The following GJA3 variants were observed in gnomAD, a reference collection of about 807,000 sequenced individuals.
GJA3 encodes the protein gap junction alpha-3 protein.
For synonymous variants in GJA3, 297 were observed against 292.6 expected (o/e 1.02, Z -0.15); for missense variants, 571 against 620.3 (o/e 0.92, Z 0.84).
chr13:20,153,895 G>A (rs1189183684), intron 1 of GJA3, among the ~76,000 whole-genome samples: 2 of 151,878 alleles, frequency 1.3e-5, no homozygotes, highest in African/African-American at 4.8e-5. Flanking sequence ...GCATGAAAGA[G>A]GAAAATCCTG....
At chr13:20,152,823 G>A (rs1470988999) in intron 1 of GJA3, among the ~76,000 whole-genome samples, 1 of 152,208 alleles carries the variant, frequency 6.6e-6, no homozygotes, top group Non-Finnish European at 1.5e-5. Flanking sequence ...GTCACAAGTA[G>A]GCTTACCCAG....
intron 1 of GJA3, among the ~76,000 whole-genome samples, chr13:20,158,736 A>C (rs1958919491): frequency 6.6e-6 from 1 of 151,876 alleles, no homozygotes; most frequent in Non-Finnish European, 1.5e-5. Flanking sequence ...ACATGGTGAA[A>C]CTGTGTCTCT....
Position 20,140,040 on chromosome 13 carries a change from G to C in GJA3, c.*1941C>G, listed in dbSNP as rs960605395. The stretch of plus-strand genomic sequence containing the variant: ...AGCCCTTATCACTCACAAGAACTAA[G>C]TCCTGCTGCCCTAGGCCTATGGCAT... On this transcript the variant is annotated 3_prime_UTR_variant, in exon 2 of 2. Transcript: ENST00000241125. 7.9e-5 allele frequency: 12 copies of C among 152,080 alleles called. No homozygotes were observed. Among genetic ancestry groups the C allele is most frequent in the Non-Finnish European group, 1.8e-4 (12 of 68,050 alleles). 9.4% of individuals were successfully genotyped at this position (152,080 alleles called of 1,614,324 possible).
chr13:20,144,503 C>T (rs1176832195), intron 1 of GJA3, among the ~76,000 whole-genome samples: 10 of 152,186 alleles, frequency 6.6e-5, no homozygotes, highest in African/African-American at 1.9e-4. Flanking sequence ...ACCAGCCCTA[C>T]CTGCCCCAGA....
At chr13:20,156,205 T>C (rs1378054220) in intron 1 of GJA3, among the ~76,000 whole-genome samples, 1 of 152,226 alleles carries the variant, frequency 6.6e-6, no homozygotes, top group Non-Finnish European at 1.5e-5. Flanking sequence ...AAATCTTTAT[T>C]TGGCTAAAGT....
Position 20,142,537 on chromosome 13 carries a change from T to C in GJA3, c.752A>G (p.Asp251Gly). 1.3e-6 allele frequency: 2 copies of C among 1,559,374 alleles called. No homozygotes were observed. Among genetic ancestry groups the C allele is most frequent in the South Asian group, 1.2e-5 (1 of 85,634 alleles). The change falls in exon 2 of 2, where the codon GAT (aspartate) becomes GGT (glycine). Residue 251 changes from aspartate to glycine, a missense_variant. Transcript: ENST00000241125. ...DASEAPLGTADPPPLPPSSRP... is the reference protein window; with the variant it reads ...DASEAPLGTAGPPPLPPSSRP... ...GGAGCTGGGGGGCAGGGGCGGGGGA[T>C]CGGCTGTCCCCAGCGGGGCCTCGGA...
intron 1 of GJA3, among the ~76,000 whole-genome samples, chr13:20,158,989 A>G (rs190372854): frequency 6.6e-6 from 1 of 151,380 alleles, no homozygotes; most frequent in East Asian, 1.9e-4. Context: ...AGTTATCATG[A>G]GGAATTTTCC....
At chr13:20,159,671 G>T (rs899494365) in intron 1 of GJA3, among the ~76,000 whole-genome samples, 1 of 152,008 alleles carries the variant, frequency 6.6e-6, no homozygotes, top group Non-Finnish European at 1.5e-5. Flanking sequence ...GCCAGTTAAC[G>T]GTTCCTGGTT....
rs375041482 is a variant in GJA3, at chr13:20,143,170, G to A, written c.119C>T (p.Ala40Val). ...FIFRILVLGA[A>V]AEDVWGDEQS... ...CTCATCGCCCCACACGTCCTCCGCC[G>A]CGGCCCCCAGCACCAAGATGCGGAA... Residue 40 changes from alanine to valine, a missense_variant, in exon 2 of 2, where the codon GCG becomes GTG. Transcript: ENST00000241125. 2 of 1,604,956 alleles carry A rather than the reference G, an allele frequency of 1.2e-6. No individual in the cohort carries two copies. The highest frequency in any genetic ancestry group is 1.7e-6 in the Non-Finnish European group (2 of 1,174,322).
chr13:20,144,469 G>A lies in GJA3; in HGVS notation c.-17-1164C>T, dbSNP rs568703139. Among the ~76,000 whole-genome samples, 3 of 152,322 alleles carry A rather than the reference G, an allele frequency of 2.0e-5. No individual in the cohort carries two copies. The South Asian group carries it at 6.2e-4, about 32-fold the overall frequency. The stretch of plus-strand genomic sequence containing the variant: ...TAGCATGGATCCTCTGGGTCAGAGT[G>A]CCCATGGGTGTTGGGCAGGGCTCAC... On this transcript the variant is annotated intron_variant, in intron 1 of 1. Transcript: ENST00000241125.
rs1958815466 is a variant in GJA3 at position 20,142,456 on chromosome 13, G to A, written c.833C>T (p.Pro278Leu). 2.0e-6 allele frequency: 3 copies of A among 1,527,440 alleles called. No homozygotes were observed. The highest frequency in any genetic ancestry group is 2.6e-6 in the Non-Finnish European group (3 of 1,136,708). The allele number at this position is 1,527,440 out of a possible 1,614,324, so 94.6% of individuals were successfully genotyped here. Reference protein sequence around the residue: ...FPPYYAHTAAPLGQARAVGYP... With the variant: ...FPPYYAHTAALLGQARAVGYP... The stretch of plus-strand genomic sequence containing the variant: ...GCCCACGGCGCGGGCCTGTCCCAGG[G>A]GCGCAGCGGTGTGCGCATAGTAGGG... Residue 278 changes from proline to leucine, a missense_variant, in exon 2 of 2, where the codon CCC becomes CTC. Physicochemically the swap from Pro to Leu is moderately conservative, Grantham distance 98. Transcript: ENST00000241125.
intron 1 of GJA3, among the ~76,000 whole-genome samples, chr13:20,158,912 C>CAAAA (rs1159654355): frequency 4.5e-3 from 244 of 54,740 alleles, no homozygotes; most frequent in African/African-American, 6.0e-3. Flanking sequence ...GCAAAACTCT[C>CAAAA]AAAAAAAAAA....
At chr13:20,155,607 T>TA (rs67934270) in intron 1 of GJA3, among the ~76,000 whole-genome samples, 37,724 of 151,846 alleles carry the variant, frequency 0.25, 6,484 homozygotes, top group African/African-American at 0.49. Context: ...TTTGGGGATT[T>TA]AAAATATTAG....
At chr13:20,151,275 G>C (rs145907772) in intron 1 of GJA3, among the ~76,000 whole-genome samples, 4 of 152,252 alleles carry the variant, frequency 2.6e-5, no homozygotes, top group Non-Finnish European at 5.9e-5. Flanking sequence ...CAGGAGATAA[G>C]GAAGCTTGAT....
upstream of GJA3, among the ~76,000 whole-genome samples, chr13:20,161,411 G>A (rs896367480): frequency 6.6e-6 from 1 of 151,820 alleles, no homozygotes; most frequent in Non-Finnish European, 1.5e-5. Context: ...GCACGCAGAT[G>A]CGCCAGCCCG....
intron 1 of GJA3, among the ~76,000 whole-genome samples, chr13:20,148,233 A>G (rs1593336610): frequency 7.1e-6 from 1 of 141,782 alleles, no homozygotes; most frequent in Non-Finnish European, 1.5e-5. Context: ...CTCTGGGGGC[A>G]TTTTACCAAT....
intron 1 of GJA3, among the ~76,000 whole-genome samples, chr13:20,151,850 T>TG (rs1223196370): frequency 6.6e-6 from 1 of 151,936 alleles, no homozygotes; most frequent in Non-Finnish European, 1.5e-5. Context: ...GGACAGTCTA[T>TG]GGGGGCAGGG....
chr13:20,160,517 C>CG (rs1304534558), intron 1 of GJA3, among the ~76,000 whole-genome samples: 1 of 152,154 alleles, frequency 6.6e-6, no homozygotes, highest in Non-Finnish European at 1.5e-5. Flanking sequence ...CCTGACGGTC[C>CG]GGGACAGCCC....
At chr13:20,158,931 A>AAAAAAAAAAAAAAAAAAAAAAAG (rs1555340275) in intron 1 of GJA3, among the ~76,000 whole-genome samples, 1 of 148,836 alleles carries the variant, frequency 6.7e-6, no homozygotes, top group African/African-American at 2.5e-5. Flanking sequence ...AAAAAAAAAA[A>AAAAAAAAAAAAAAAAAAAAAAAG]AAAAAGAAAA....
Sources: allele counts gnomAD v4.1 joint callset (sites outside exome capture counted in the v4.1 genomes callset), GRCh38; gene constraint gnomAD v4.1.1; transcripts MANE v1.5; gene names NCBI Gene and HGNC (gene_info 2026-07-23, HGNC 2026-07-21).